EPB41L2: variants seen among roughly 807,000 people sequenced by gnomAD.
EPB41L2 encodes the protein band 4.1-like protein 2.
In EPB41L2, 43 loss-of-function variants were observed where a neutral mutation model predicts 113.0. The observed-to-expected ratio is 0.38, with a 90% confidence interval of 0.30 to 0.49. EPB41L2 has a LOEUF of 0.49. EPB41L2 is among the 20% of genes least tolerant of loss of function. The pLI is 0.95. For missense variants in EPB41L2, 1,147 were observed against 1,223.4 expected (o/e 0.94, Z 0.93); for synonymous variants, 442 against 436.7 (o/e 1.01, Z -0.15).
At chr6:130,939,472 C>T (rs913804304) in intron 3 of EPB41L2, among the ~76,000 whole-genome samples, 2 of 152,096 alleles carry the variant, frequency 1.3e-5, no homozygotes, top group Admixed American at 1.3e-4. Context: ...CCAGGCTGGT[C>T]TCAAACTCCT....
intron 19 of EPB41L2, among the ~76,000 whole-genome samples, chr6:130,856,481 T>C (rs6918070): frequency 6.6e-6 from 1 of 152,346 alleles, no homozygotes; most frequent in South Asian, 2.1e-4. Flanking sequence ...CTAATAACCA[T>C]ATGAAAATAT....
chr6:131,014,748 C>T (rs1425892344), intron 1 of EPB41L2, among the ~76,000 whole-genome samples: 23 of 152,168 alleles, frequency 1.5e-4, no homozygotes, highest in Non-Finnish European at 1.5e-5. Context: ...TTACACAAGA[C>T]CCATTACACT....
intron 1 of EPB41L2, among the ~76,000 whole-genome samples, chr6:130,995,656 C>T (rs760756965): frequency 2.0e-5 from 3 of 152,198 alleles, no homozygotes; most frequent in African/African-American, 4.8e-5. Context: ...CTCAGATATT[C>T]GGGGTTCATA....
chr6:130,945,148 T>C (rs1812368884), intron 3 of EPB41L2, among the ~76,000 whole-genome samples: 1 of 152,190 alleles, frequency 6.6e-6, no homozygotes, highest in Non-Finnish European at 1.5e-5. Context: ...TAGAGTGCCA[T>C]AACTTCCAGA....
chr6:130,846,165 TGAG>T (rs1188193880), intron 19 of EPB41L2, among the ~76,000 whole-genome samples: 8 of 152,230 alleles, frequency 5.3e-5, no homozygotes, highest in Admixed American at 1.3e-4. Flanking sequence ...TTAAGACTCT[TGAG>T]GAGATCAGTG....
At chr6:130,931,842 A>G (rs956574864) in intron 3 of EPB41L2, among the ~76,000 whole-genome samples, 1 of 152,114 alleles carries the variant, frequency 6.6e-6, no homozygotes, top group African/African-American at 2.4e-5. Flanking sequence ...ATTCTTAACA[A>G]TACGGAAGAA....
In EPB41L2 at chr6:130,851,856, C is replaced by T. The variant is rs191030269; in HGVS notation, c.*5+6275G>A. Among the ~76,000 whole-genome samples the T allele has an allele frequency of 3.5e-3, 526 of 152,306 alleles. 3 individuals are homozygous for T. The highest frequency in any genetic ancestry group is 0.012 in the African/African-American group (509 of 41,562). On this transcript the variant is annotated intron_variant, in intron 19 of 19. Coordinates refer to ENST00000337057, the MANE Select transcript of EPB41L2 (RefSeq NM_001431.4). Reference sequence around the variant, plus strand: ...TCCCTGTTTCCTTTCTGCCTCCTGGCTCCTCCTTCTTTATGGCCTCTGTTT... The same window carrying T: ...TCCCTGTTTCCTTTCTGCCTCCTGGTTCCTCCTTCTTTATGGCCTCTGTTT...
intron 3 of EPB41L2, among the ~76,000 whole-genome samples, chr6:130,946,670 T>A (rs888757891): frequency 2.0e-5 from 3 of 151,984 alleles, no homozygotes; most frequent in Non-Finnish European, 4.4e-5. Flanking sequence ...TACATGGGGA[T>A]ATAGACACAT....
intron 18 of EPB41L2, among the ~76,000 whole-genome samples, chr6:130,861,273 T>C (rs7739564): frequency 0.022 from 3,357 of 150,896 alleles, 119 homozygotes; most frequent in African/African-American, 0.078. Flanking sequence ...AGGGTTTCGC[T>C]GTGTTAGCCA....
intron 12 of EPB41L2, among the ~76,000 whole-genome samples, chr6:130,884,561 G>A (rs995838512): frequency 3.3e-5 from 5 of 152,146 alleles, no homozygotes; most frequent in African/African-American, 7.2e-5. Context: ...CACAATATGG[G>A]TTACTTCTCC....
chr6:130,958,399 C>T, intron 1 of EPB41L2, among the ~76,000 whole-genome samples: 1 of 150,456 alleles, frequency 6.6e-6, no homozygotes, highest in East Asian at 2.0e-4. Context: ...TTGCAGTGAG[C>T]CGAGATTGTG....
At chr6:131,002,779 C>T (rs1443688503) in intron 1 of EPB41L2, among the ~76,000 whole-genome samples, 1 of 152,220 alleles carries the variant, frequency 6.6e-6, no homozygotes, top group Non-Finnish European at 1.5e-5. Context: ...GGTTTTCAAA[C>T]TTCTTCCAAT....
rs537013699 is a variant in EPB41L2 at position 131,031,074 on chromosome 6, G to A, written c.-15+32081C>T. On this transcript the variant is annotated intron_variant, in intron 1 of 19. Transcript: ENST00000337057. ...GCCACTGCACTCCAGTCTGGGCAACGGAGGGAGAGCCTGTCTAAAAAAAAA... is the reference window on the plus strand; with the variant it reads ...GCCACTGCACTCCAGTCTGGGCAACAGAGGGAGAGCCTGTCTAAAAAAAAA... Among the ~76,000 whole-genome samples, 7 of 152,070 alleles carry A rather than the reference G, an allele frequency of 4.6e-5. No individual in the cohort carries two copies. In the South Asian group the frequency reaches 6.2e-4, roughly 14 times the overall value.
intron 3 of EPB41L2, among the ~76,000 whole-genome samples, chr6:130,942,930 G>C (rs1258355470): frequency 6.6e-6 from 1 of 152,184 alleles, no homozygotes; most frequent in Non-Finnish European, 1.5e-5. Flanking sequence ...ACGAACTGAT[G>C]CTTTTTTATG....
intron 1 of EPB41L2, among the ~76,000 whole-genome samples, chr6:131,036,217 C>T (rs544296259): frequency 2.4e-4 from 36 of 152,112 alleles, no homozygotes; most frequent in Non-Finnish European, 1.5e-4. Context: ...ATTCCAGGTA[C>T]AGTTTATGGA....
At chr6:131,023,910 C>T (rs183142487) in intron 1 of EPB41L2, among the ~76,000 whole-genome samples, 3 of 152,012 alleles carry the variant, frequency 2.0e-5, no homozygotes, top group Non-Finnish European at 4.4e-5. Flanking sequence ...TTCTGAGAGA[C>T]AGTCAGCCAT....
chr6:130,998,481 G>A (rs1416616515), intron 1 of EPB41L2, among the ~76,000 whole-genome samples: 1 of 152,088 alleles, frequency 6.6e-6, no homozygotes, highest in African/African-American at 2.4e-5. Flanking sequence ...ACGAAGAGAA[G>A]GAATGATGAG....
intron 2 of EPB41L2, 142 bp from the exon 3 acceptor site, chr6:130,955,459 C>A: frequency 1.2e-6 from 1 of 854,588 alleles, no homozygotes; most frequent in Non-Finnish European, 1.8e-6. Flanking sequence ...TTGAAAATTC[C>A]AATAGAAAGG....
chr6:131,012,478 G>A (rs1787260271), intron 1 of EPB41L2, among the ~76,000 whole-genome samples: 1 of 145,684 alleles, frequency 6.9e-6, no homozygotes, highest in Non-Finnish European at 1.5e-5. Flanking sequence ...AACATCACCT[G>A]GGCTGGGAAC....
Sources: allele counts gnomAD v4.1 joint callset (sites outside exome capture counted in the v4.1 genomes callset), GRCh38; gene constraint gnomAD v4.1.1; transcripts MANE v1.5; gene names NCBI Gene and HGNC (gene_info 2026-07-23, HGNC 2026-07-21).